The following DYNLRB1 variants were observed in gnomAD, a reference collection of about 807,000 sequenced individuals.
The protein encoded by DYNLRB1 is dynein light chain roadblock-type 1.
A neutral mutation model predicts 13.5 loss-of-function variants in DYNLRB1; 6 were observed. The ratio of observed to expected loss-of-function variants is 0.44; its 90% CI spans 0.24 to 0.88. The LOEUF (loss-of-function observed/expected upper bound fraction) is 0.88. Ranked by LOEUF, DYNLRB1 falls within the 40% of genes least tolerant of loss-of-function variation. DYNLRB1 has a pLI of 0.21. For missense variants in DYNLRB1, 93 were observed against 127.2 expected, an observed-to-expected ratio of 0.73 and a Z score of 1.29; for synonymous variants, 43 against 45.0, an observed-to-expected ratio of 0.96 and a Z score of 0.18.
At chr20:34,516,419 G>A (rs527459021), upstream of DYNLRB1, 152 of 1,612,078 alleles carry the variant, frequency 9.4e-5, 2 homozygotes, top group South Asian at 1.4e-3. Context: ...CACAGGACTC[G>A]CTAAGTGTTC....
chr20:34,519,958 ACT>A (rs1367308611), intron 1 of DYNLRB1, among the ~76,000 whole-genome samples: 2 of 152,000 alleles, frequency 1.3e-5, no homozygotes. Flanking sequence ...ACATGGTGAA[ACT>A]CTGTCTCTAC....
intron 3 of DYNLRB1, chr20:34,536,401 C>T (rs1981144763): frequency 1.0e-6 from 1 of 985,398 alleles, no homozygotes. Context: ...ACTGCAGTTC[C>T]TCCCAGGTTG....
At chr20:34,533,176 T>C (rs1980845434) in intron 2 of DYNLRB1, among the ~76,000 whole-genome samples, 2 of 152,094 alleles carry the variant, frequency 1.3e-5, no homozygotes, top group Admixed American at 1.3e-4. Context: ...CACTTAATGG[T>C]TCATCTCAAG....
At chr20:34,517,850 G>C (rs973785142) in intron 1 of DYNLRB1, among the ~76,000 whole-genome samples, 1 of 151,994 alleles carries the variant, frequency 6.6e-6, no homozygotes, top group South Asian at 2.1e-4. Context: ...GCCTCAACAC[G>C]GTGGTCTCGA....
At chr20:34,533,150 G>A (rs904011210) in intron 2 of DYNLRB1, among the ~76,000 whole-genome samples, 9 of 152,154 alleles carry the variant, frequency 5.9e-5, no homozygotes, top group Non-Finnish European at 1.0e-4. Context: ...AGTAGGCACC[G>A]TCCAGTGAAT....
At chr20:34,528,874 T>C (rs1283936762) in intron 2 of DYNLRB1, among the ~76,000 whole-genome samples, 2 of 151,894 alleles carry the variant, frequency 1.3e-5, no homozygotes, top group Non-Finnish European at 2.9e-5. Context: ...CTCAGGATGC[T>C]AAGACAGGAG....
chr20:34,534,691 G>A lies in DYNLRB1; in HGVS notation c.143G>A (p.Ser48Asn), dbSNP rs1980991593. 1.2e-6 allele frequency: 2 copies of A among 1,606,578 alleles called. No homozygotes were observed. Among genetic ancestry groups the A allele is most frequent in the South Asian group, 2.2e-5 (2 of 89,658 alleles). The change falls in exon 3 of 4, where the codon AGC (serine) becomes AAC (asparagine). Residue 48 changes from serine to asparagine, a missense_variant. By Grantham distance (46) the Ser-to-Asn change is conservative. Coordinates refer to ENST00000357156, the MANE Select transcript of DYNLRB1 (RefSeq NM_014183.4). ...ACCCAGTATGCCAGCCTCATGCACA[G>A]CTTCATCCTGAAGGCACGGAGCACC... ...TTTQYASLMH[S>N]FILKARSTVR...
intron 2 of DYNLRB1, among the ~76,000 whole-genome samples, chr20:34,526,851 A>C (rs1284287607): frequency 6.6e-6 from 1 of 152,222 alleles, no homozygotes; most frequent in African/African-American, 2.4e-5. Context: ...CTTTTTAGTA[A>C]ATCCATTAAG....
At chr20:34,516,411 C>T (rs1468578839), upstream of DYNLRB1, 4 of 1,609,142 alleles carry the variant, frequency 2.5e-6, no homozygotes, top group East Asian at 4.5e-5. Flanking sequence ...CAGAAAGGCA[C>T]AGGACTCGCT....
At chr20:34,528,336 A>AAAAAAAAAAAAAAC (rs1568600863) in intron 2 of DYNLRB1, among the ~76,000 whole-genome samples, 1 of 144,898 alleles carries the variant, frequency 6.9e-6, no homozygotes, top group Non-Finnish European at 1.6e-5. Context: ...AAAAAAAAAA[A>AAAAAAAAAAAAAAC]AAAAAAAACT....
chr20:34,535,037 C>G, intron 3 of DYNLRB1: 1 of 1,346,952 alleles, frequency 7.4e-7, no homozygotes, highest in Non-Finnish European at 9.6e-7. Context: ...ACGTGAGCAT[C>G]ATGTGTGTCT....
At chr20:34,530,552 C>T (rs1189883100) in intron 2 of DYNLRB1, 1 of 153,660 alleles carries the variant, frequency 6.5e-6, no homozygotes, top group East Asian at 1.9e-4. Context: ...ACATCTCACA[C>T]AGTGACCCTG....
In DYNLRB1 at chr20:34,534,689, C is replaced by G; in HGVS notation, c.141C>G (p.His47Gln). 6.2e-7 allele frequency: 1 copy of G among 1,605,736 alleles called. No homozygotes were observed. The highest frequency in any genetic ancestry group is 8.5e-7 in the Non-Finnish European group (1 of 1,175,334). Residue 47 changes from histidine to glutamine, a missense_variant, in exon 3 of 4, where the codon CAC (histidine) becomes CAG (glutamine). By Grantham distance (24) the His-to-Gln change is conservative (BLOSUM62 0). Transcript: ENST00000357156. Reference protein sequence around the residue: ...PTTTQYASLMHSFILKARSTV... With the variant: ...PTTTQYASLMQSFILKARSTV... ...CCACCCAGTATGCCAGCCTCATGCA[C>G]AGCTTCATCCTGAAGGCACGGAGCA...
At chr20:34,522,370 C>G (rs17091858) in intron 1 of DYNLRB1, among the ~76,000 whole-genome samples, 3 of 151,572 alleles carry the variant, frequency 2.0e-5, no homozygotes, top group Non-Finnish European at 4.4e-5. Flanking sequence ...CCATAGTAGG[C>G]GCTGAGTAGG....
At chr20:34,521,505 T>C (rs1480343622) in intron 1 of DYNLRB1, among the ~76,000 whole-genome samples, 1 of 152,200 alleles carries the variant, frequency 6.6e-6, no homozygotes, top group African/African-American at 2.4e-5. Flanking sequence ...TCCTGTTAGA[T>C]TAGTTATTCT....
intron 1 of DYNLRB1, among the ~76,000 whole-genome samples, chr20:34,520,893 C>T (rs973494863): frequency 2.6e-5 from 4 of 152,194 alleles, no homozygotes; most frequent in African/African-American, 9.6e-5. Context: ...AGGACCAGTG[C>T]TTTTATGGTT....
In DYNLRB1 at chr20:34,526,178, G is replaced by A. The variant is rs1980190038; in HGVS notation, c.4-90G>A. On this transcript the variant is annotated intron_variant, in intron 1 of 3. Coordinates refer to ENST00000357156, the MANE Select transcript of DYNLRB1 (RefSeq NM_014183.4). ...CCTGAGTATTACTTGTTTGTTGTTG[G>A]AAGACAAACGTATGATTCATCTGCC... 6.3e-6 allele frequency: 9 copies of A among 1,419,176 alleles called. No homozygotes were observed. In the Admixed American group the frequency reaches 7.0e-5, roughly 11 times the overall value. The allele number at this position is 1,419,176 out of a possible 1,614,324, so 87.9% of individuals were successfully genotyped here. A position where few individuals can be genotyped will look rare whatever the true frequency, so the allele number is the denominator to read the frequency against.
upstream of DYNLRB1, chr20:34,516,294 T>C: frequency 8.5e-7 from 1 of 1,181,922 alleles, no homozygotes; most frequent in Middle Eastern, 2.5e-4. Context: ...AAGCAGATTT[T>C]CCAAGAATCC....
intron 1 of DYNLRB1, among the ~76,000 whole-genome samples, chr20:34,519,558 T>C (rs1979545053): frequency 1.3e-5 from 2 of 152,228 alleles, no homozygotes; most frequent in Admixed American, 1.3e-4. Context: ...ATATATCTTA[T>C]TCTGCAACTT....
Sources: gnomAD v4.1 joint callset for allele counts (sites outside exome capture counted in the v4.1 genomes callset) on GRCh38, gnomAD v4.1.1 for gene constraint, MANE v1.5 for transcripts, NCBI Gene and HGNC (gene_info 2026-07-23, HGNC 2026-07-21) for gene names.